Variants in SETBP1 observed in about 807,000 individuals in gnomAD.
SETBP1 encodes the protein SET binding protein 1, also known as SET-binding protein.
In SETBP1, 9 loss-of-function variants were observed where a neutral mutation model predicts 101.0. The observed-to-expected ratio is 0.09, with a 90% CI of 0.05 to 0.16. The LOEUF is 0.16. Ranked by LOEUF, SETBP1 falls within the 10% of genes least tolerant of loss-of-function variation. SETBP1 has a pLI of 1.00. For synonymous variants in SETBP1, 818 were observed against 788.5 expected, an observed-to-expected ratio of 1.04 and a Z score of -0.63; for missense variants, 1,858 against 2,033.8, an observed-to-expected ratio of 0.91 and a Z score of 1.66.
chr18:44,784,987 G>A (rs1373666072), intron 2 of SETBP1, among the ~76,000 whole-genome samples: 1 of 152,146 alleles, frequency 6.6e-6, no homozygotes, highest in Non-Finnish European at 1.5e-5. Context: ...AACTCCCTGA[G>A]GCTCACACCA....
chr18:44,834,627 G>C (rs1437769073), intron 2 of SETBP1, among the ~76,000 whole-genome samples: 1 of 152,200 alleles, frequency 6.6e-6, no homozygotes, highest in African/African-American at 2.4e-5. Context: ...GCAGGGACCA[G>C]TAAATGTAAT....
chr18:44,847,561 C>T (rs1160781334), intron 2 of SETBP1, among the ~76,000 whole-genome samples: 1 of 152,116 alleles, frequency 6.6e-6, no homozygotes, highest in Non-Finnish European at 1.5e-5. Context: ...GTAGAGCTCC[C>T]TGATGTAGAG....
At chr18:44,997,483 C>A (rs1243108899) in intron 4 of SETBP1, among the ~76,000 whole-genome samples, 1 of 152,160 alleles carries the variant, frequency 6.6e-6, no homozygotes, top group Non-Finnish European at 1.5e-5. Context: ...TGGCAAGATG[C>A]AACTGAAGAC....
chr18:44,952,074 A>G lies in SETBP1; in HGVS notation c.2734A>G (p.Lys912Glu). ...PEAIPSDTST[K>E]NRHGHRQKHL... ...GGCCATTCCGTCCGACACCAGCACA[A>G]AGAACCGGCATGGCCACCGGCAAAA... Residue 912 changes from lysine to glutamate, a missense_variant, in exon 4 of 6, where the codon AAG becomes GAG. By Grantham distance (56) the Lys-to-Glu change is moderately conservative. This residue lies in a region of SETBP1 where 255 missense variants were observed against 300.1 expected (regional missense o/e 0.85). Transcript: ENST00000649279. 17 of 1,614,108 alleles carry G rather than the reference A, an allele frequency of 1.1e-5. No homozygotes were observed. The highest frequency in any genetic ancestry group is 1.4e-5 in the Non-Finnish European group (17 of 1,180,018).
At position 45,063,903 on chromosome 18, in the gene SETBP1, C is replaced by G. The variant is rs886053795; in HGVS notation, c.*205C>G. ...AGCAGGGAGACACCTTCAGAAGAAG[C>G]TTGTCTGAGCTTCACCGCAGCTCCC... On this transcript the variant is annotated 3_prime_UTR_variant, in exon 6 of 6. Coordinates refer to ENST00000649279, the MANE Select transcript of SETBP1 (RefSeq NM_015559.3). 8.3e-5 allele frequency: 46 copies of G among 553,112 alleles called. 1 individual carries two copies. The highest frequency in any genetic ancestry group is 7.5e-5 in the Non-Finnish European group (23 of 307,978). The allele number at this position is 553,112 out of a possible 1,614,324, so 34.3% of individuals were successfully genotyped here.
chr18:44,833,825 TA>T (rs2072430803), intron 2 of SETBP1, among the ~76,000 whole-genome samples: 1 of 152,252 alleles, frequency 6.6e-6, no homozygotes, highest in Non-Finnish European at 1.5e-5. Context: ...AAGGATCTTT[TA>T]AATTACAAGA....
chr18:44,749,293 C>G (rs2070330846), intron 2 of SETBP1, among the ~76,000 whole-genome samples: 1 of 152,194 alleles, frequency 6.6e-6, no homozygotes, highest in Non-Finnish European at 1.5e-5. Context: ...CGCAGAGATG[C>G]AAGTGATACT....
chr18:44,811,476 C>A lies in SETBP1; in HGVS notation c.487-57754C>A, dbSNP rs551221023. Among the ~76,000 whole-genome samples, 5 of 152,298 alleles carry A rather than the reference C, an allele frequency of 3.3e-5. No individual in the cohort carries two copies. The South Asian group carries it at 1.0e-3, about 32-fold the overall frequency. On this transcript the variant is annotated intron_variant, in intron 2 of 5. Coordinates refer to ENST00000649279, the MANE Select transcript of SETBP1 (RefSeq NM_015559.3). ...GTTGGCAAATTGTTTGTGCTGACTG[C>A]GGTAAAGAGAATGGGTTTTCTGGAA...
intron 5 of SETBP1, among the ~76,000 whole-genome samples, chr18:45,062,739 T>C (rs1479623519): frequency 2.6e-5 from 4 of 152,200 alleles, no homozygotes; most frequent in African/African-American, 9.6e-5. Flanking sequence ...ATATTGTGAT[T>C]CTGCCATTGA....
chr18:44,970,580 T>C lies in SETBP1; in HGVS notation c.4000+17240T>C, dbSNP rs1357594100. The stretch of plus-strand genomic sequence containing the variant: ...GGCCTTTTTTTTTTGGAACAGAGTG[T>C]TGCTCTTGTTCCCCAGGCTGCAGTG... On this transcript the variant is annotated intron_variant, in intron 4 of 5. Coordinates refer to ENST00000649279, the MANE Select transcript of SETBP1 (RefSeq NM_015559.3). 5.3e-5 allele frequency among the ~76,000 whole-genome samples: 8 copies of C among 152,176 alleles called. No individual in the cohort carries two copies. In the East Asian group the frequency reaches 1.6e-3, roughly 30 times the overall value.
intron 2 of SETBP1, 132 bp downstream of exon 2, chr18:44,701,964 G>A: frequency 9.9e-7 from 1 of 1,008,566 alleles, no homozygotes; most frequent in Non-Finnish European, 1.5e-6. Flanking sequence ...TCAGACCCCT[G>A]CACAGTTAAA....
intron 3 of SETBP1, among the ~76,000 whole-genome samples, chr18:44,879,395 G>T (rs1375400447): frequency 6.6e-6 from 1 of 151,936 alleles, no homozygotes; most frequent in Non-Finnish European, 1.5e-5. Context: ...CCTACCATGG[G>T]GTTTTGAACA....
At chr18:44,909,512 G>A (rs2070253310) in intron 3 of SETBP1, among the ~76,000 whole-genome samples, 1 of 152,200 alleles carries the variant, frequency 6.6e-6, no homozygotes, top group Non-Finnish European at 1.5e-5. Flanking sequence ...TTAGGAGGGA[G>A]TATCGTACCA....
intron 2 of SETBP1, among the ~76,000 whole-genome samples, chr18:44,830,879 T>A (rs151195305): frequency 2.0e-4 from 31 of 152,312 alleles, no homozygotes; most frequent in African/African-American, 7.5e-4. Context: ...AAACAGTACA[T>A]TGTGTTTTCT....
chr18:44,927,761 C>A (rs1047891894), intron 3 of SETBP1, among the ~76,000 whole-genome samples: 1 of 152,178 alleles, frequency 6.6e-6, no homozygotes, highest in Admixed American at 6.5e-5. Flanking sequence ...TGAACTAGAA[C>A]TGTTGCCAAA....
At chr18:45,058,752 G>A (rs953652799) in intron 5 of SETBP1, among the ~76,000 whole-genome samples, 1 of 152,230 alleles carries the variant, frequency 6.6e-6, no homozygotes. Flanking sequence ...AGATTATAAT[G>A]TGCAAAAGAA....
intron 3 of SETBP1, among the ~76,000 whole-genome samples, chr18:44,895,886 C>A (rs2069891351): frequency 6.6e-6 from 1 of 152,112 alleles, no homozygotes; most frequent in East Asian, 1.9e-4. Context: ...CATCGAGAGG[C>A]AAATCTGAAA....
chr18:44,797,800 C>T (rs1262682952), intron 2 of SETBP1, among the ~76,000 whole-genome samples: 1 of 152,062 alleles, frequency 6.6e-6, no homozygotes, highest in East Asian at 1.9e-4. Flanking sequence ...CTTGAGAACA[C>T]AGCATATTTT....
chr18:44,772,954 G>A (rs2070908523), intron 2 of SETBP1, among the ~76,000 whole-genome samples: 1 of 152,118 alleles, frequency 6.6e-6, no homozygotes, highest in Admixed American at 6.5e-5. Flanking sequence ...TTGGAGGTAT[G>A]AACTGTGCCT....
Sources: gnomAD v4.1 joint callset for allele counts (sites outside exome capture counted in the v4.1 genomes callset) on GRCh38, gnomAD v4.1.1 for gene constraint, gnomAD v4.1.1 regional missense constraint, MANE v1.5 for transcripts, NCBI Gene and HGNC (gene_info 2026-07-23, HGNC 2026-07-21) for gene names.